Variants in ERP44 observed in about 807,000 individuals in gnomAD.
ERP44 encodes endoplasmic reticulum resident protein 44.
ERP44 carries 25 observed loss-of-function variants against 53.4 expected under a neutral mutation model. That is an observed-to-expected ratio of 0.47 (90% CI 0.34 to 0.65). The LOEUF (loss-of-function observed/expected upper bound fraction) is 0.65. ERP44 is among the 30% of genes least tolerant of loss of function. The pLI, the probability that ERP44 is intolerant of heterozygous loss-of-function variation, is 0.01. For synonymous variants in ERP44, 145 were observed against 161.2 expected, an observed-to-expected ratio of 0.90 and a Z score of 0.76; for missense variants, 338 against 493.2, an observed-to-expected ratio of 0.69 and a Z score of 2.98.
At chr9:99,993,495 A>T (rs561568594) in intron 10 of ERP44, among the ~76,000 whole-genome samples, 7 of 152,152 alleles carry the variant, frequency 4.6e-5, no homozygotes, top group African/African-American at 1.4e-4. Context: ...TCCTTACACC[A>T]TATACAAAAA....
intron 3 of ERP44, 100 bp downstream of exon 3, chr9:100,057,720 T>C (rs942163): frequency 0.51 from 422,446 of 830,380 alleles, 115,572 homozygotes; most frequent in East Asian, 0.93. Flanking sequence ...TGGAATACTG[T>C]CTTGAAATAG....
At chr9:100,034,598 A>G (rs909723489) in intron 4 of ERP44, among the ~76,000 whole-genome samples, 4 of 152,220 alleles carry the variant, frequency 2.6e-5, no homozygotes, top group Non-Finnish European at 4.4e-5. Context: ...ACAAAGAAAA[A>G]GAAAAAGAAA....
Position 100,087,330 on chromosome 9 carries a change from T to C in ERP44, c.57+11454A>G, listed in dbSNP as rs1224558490. ...TGTTGGCATAATGACAATGTAATTA[T>C]TAGGATAAGAAGACCACAGACCACA... On this transcript the variant is annotated intron_variant, in intron 1 of 11. Coordinates refer to ENST00000262455, the MANE Select transcript of ERP44 (RefSeq NM_015051.3). Among the ~76,000 whole-genome samples the C allele has an allele frequency of 3.9e-5, 6 of 152,204 alleles. No individual in the cohort carries two copies. The East Asian group carries it at 1.2e-3, about 29-fold the overall frequency.
intron 11 of ERP44, 84 bp downstream of exon 11, chr9:99,984,883 G>C: frequency 1.4e-6 from 1 of 722,140 alleles, no homozygotes; most frequent in South Asian, 1.8e-5. Flanking sequence ...AGCTCAAGCT[G>C]ATGCAAGAAC....
At chr9:100,053,157 A>G (rs117518256) in intron 3 of ERP44, among the ~76,000 whole-genome samples, 3,971 of 152,322 alleles carry the variant, frequency 0.026, 71 homozygotes, top group Non-Finnish European at 0.038. Context: ...TAAATAAGTT[A>G]TATTAAAAGA....
chr9:99,986,743 A>T (rs1197797505), intron 10 of ERP44, among the ~76,000 whole-genome samples: 1 of 152,252 alleles, frequency 6.6e-6, no homozygotes, highest in Non-Finnish European at 1.5e-5. Context: ...CCAAATGCAC[A>T]GTTTACAAAT....
At chr9:99,997,319 A>AT (rs1307720253) in intron 10 of ERP44, among the ~76,000 whole-genome samples, 4 of 152,132 alleles carry the variant, frequency 2.6e-5, no homozygotes, top group Non-Finnish European at 4.4e-5. Context: ...AAATTTTTTT[A>AT]TTATGGCCAT....
At chr9:100,022,880 C>T (rs527409795) in intron 4 of ERP44, among the ~76,000 whole-genome samples, 3 of 152,108 alleles carry the variant, frequency 2.0e-5, no homozygotes, top group Admixed American at 6.5e-5. Flanking sequence ...CTTTGGCAAA[C>T]GAAGTAACTA....
chr9:100,063,093 A>AAAAAAAAAAAAAAAAAAAAAAT (rs1826172418), intron 1 of ERP44, among the ~76,000 whole-genome samples: 1 of 146,396 alleles, frequency 6.8e-6, no homozygotes, highest in Non-Finnish European at 1.5e-5. Context: ...AAAAAAAAAA[A>AAAAAAAAAAAAAAAAAAAAAAT]GAGAGAGAGA....
chr9:100,022,950 T>C (rs1830610101), intron 4 of ERP44, among the ~76,000 whole-genome samples: 1 of 152,192 alleles, frequency 6.6e-6, no homozygotes, highest in South Asian at 2.1e-4. Flanking sequence ...TCATGATTAC[T>C]AAAATTCTTT....
Position 99,998,651 on chromosome 9 carries a change from T to A in ERP44, c.1016+7855A>T, listed in dbSNP as rs546235360. The A allele has an allele frequency of 7.8e-6, 6 of 767,696 alleles. No individual in the cohort carries two copies. In the African/African-American group the frequency reaches 8.5e-5, roughly 11 times the overall value. The allele number at this position is 767,696 out of a possible 1,614,324, so 47.6% of individuals were successfully genotyped here. ...TTCTTGAGATCTCTCCACATCCCTG[T>A]GCTCTTTGTCACTGCTGCTGTGTGA... On this transcript the variant is annotated intron_variant, in intron 10 of 11. Coordinates refer to ENST00000262455, the MANE Select transcript of ERP44 (RefSeq NM_015051.3).
intron 1 of ERP44, among the ~76,000 whole-genome samples, chr9:100,092,876 A>G (rs1258593765): frequency 6.6e-6 from 1 of 152,222 alleles, no homozygotes; most frequent in African/African-American, 2.4e-5. Context: ...GGAAGTGGGC[A>G]TAGTCACACA....
At chr9:100,083,738 C>G (rs566771753) in intron 1 of ERP44, among the ~76,000 whole-genome samples, 41 of 152,152 alleles carry the variant, frequency 2.7e-4, no homozygotes, top group Non-Finnish European at 4.7e-4. Context: ...AGTAACACTG[C>G]CCAAGGCACT....
chr9:100,009,619 T>C (rs1830452876), intron 8 of ERP44, among the ~76,000 whole-genome samples: 1 of 152,188 alleles, frequency 6.6e-6, no homozygotes, highest in African/African-American at 2.4e-5. Context: ...ACTTCTCTGC[T>C]CTAGCCTGAC....
intron 3 of ERP44, among the ~76,000 whole-genome samples, chr9:100,056,249 A>G (rs2118712387): frequency 6.6e-6 from 1 of 152,228 alleles, no homozygotes; most frequent in Middle Eastern, 3.4e-3. Flanking sequence ...CTTCTACCAA[A>G]TTTTTTGGCT....
At chr9:100,095,598 T>A (rs1056162790) in intron 1 of ERP44, among the ~76,000 whole-genome samples, 1 of 152,168 alleles carries the variant, frequency 6.6e-6, no homozygotes, top group Non-Finnish European at 1.5e-5. Context: ...CTTTAGTATG[T>A]CACCTGGGAA....
intron 4 of ERP44, among the ~76,000 whole-genome samples, chr9:100,049,042 G>C (rs1397292986): frequency 6.6e-6 from 1 of 151,988 alleles, no homozygotes; most frequent in Non-Finnish European, 1.5e-5. Context: ...AAAATACAAG[G>C]GTAGAATGGG....
chr9:100,024,224 A>T (rs1161698176), intron 4 of ERP44, among the ~76,000 whole-genome samples: 1 of 151,968 alleles, frequency 6.6e-6, no homozygotes, highest in Non-Finnish European at 1.5e-5. Context: ...GTCCATCAAT[A>T]GGAGACTGGC....
chr9:100,079,453 C>CAT (rs1432820494), intron 1 of ERP44, among the ~76,000 whole-genome samples: 1 of 149,816 alleles, frequency 6.7e-6, no homozygotes, highest in Non-Finnish European at 1.5e-5. Context: ...CACACACACA[C>CAT]ACAGACACCC....
Sources: allele counts gnomAD v4.1 joint callset (sites outside exome capture counted in the v4.1 genomes callset), GRCh38; gene constraint gnomAD v4.1.1; transcripts MANE v1.5; gene names NCBI Gene and HGNC (gene_info 2026-07-23, HGNC 2026-07-21).